CDC42BPB: variants seen among roughly 807,000 people sequenced by gnomAD.
The protein encoded by CDC42BPB is serine/threonine-protein kinase MRCK beta.
A neutral mutation model predicts 214.9 loss-of-function variants in CDC42BPB; 37 were observed. The ratio of observed to expected loss-of-function variants is 0.17; its 90% CI spans 0.13 to 0.23. The LOEUF (loss-of-function observed/expected upper bound fraction) is 0.23. Ranked by LOEUF, CDC42BPB falls within the 10% of genes least tolerant of loss-of-function variation. The probability of loss-of-function intolerance (pLI) is 1.00; values close to 1 mark genes in which losing one functional copy is unlikely to be tolerated. For synonymous variants in CDC42BPB, 931 were observed against 884.0 expected (o/e 1.05, Z -0.94); for missense variants, 1,694 against 2,227.0 (o/e 0.76, Z 4.82).
chr14:102,932,905 G>GA lies in CDC42BPB; in HGVS notation c.*806_*807insT, dbSNP rs1891458862. ...GGGGGGGCGGGCAGGGCGGGGCGGG[G>GA]TGGGGTATCCCAGTGGCTGCTTCGT... On this transcript the variant is annotated 3_prime_UTR_variant, in exon 37 of 37. Transcript: ENST00000361246. 1 of 116,464 alleles carries GA rather than the reference G, an allele frequency of 8.6e-6. No homozygotes were observed. The highest frequency in any genetic ancestry group is 1.6e-5 in the Non-Finnish European group (1 of 60,788). The allele number at this position is 116,464 out of a possible 1,614,324, so 7.2% of individuals were successfully genotyped here.
intron 21 of CDC42BPB, among the ~76,000 whole-genome samples, chr14:102,957,410 C>T (rs532084628): frequency 9.2e-5 from 14 of 152,242 alleles, no homozygotes; most frequent in Admixed American, 2.6e-4. Context: ...AGAAAGCTAC[C>T]GCTTTCCTGG....
chr14:103,015,786 G>C (rs1056057119), intron 1 of CDC42BPB, among the ~76,000 whole-genome samples: 3 of 151,906 alleles, frequency 2.0e-5, no homozygotes, highest in African/African-American at 7.2e-5. Flanking sequence ...TCAGCTCACT[G>C]CAACCTCCGC....
intron 6 of CDC42BPB, 127 bp from the exon 7 acceptor site, chr14:102,983,883 C>A: frequency 1.4e-6 from 2 of 1,455,154 alleles, no homozygotes; most frequent in South Asian, 1.4e-5. Context: ...GATGAATGAT[C>A]GTGTTTTTTA....
chr14:102,940,130 T>G lies in CDC42BPB; in HGVS notation c.4507A>C (p.Ile1503Leu). Residue 1503 changes from isoleucine to leucine, a missense_variant and splice_region_variant, in exon 32 of 37, where the codon ATA becomes CTA. Transcript: ENST00000361246. Reference protein sequence around the residue: ...EWVQTIGLRRIRPLNSEGTLN... With the variant: ...EWVQTIGLRRLRPLNSEGTLN... Reference sequence around the variant, plus strand: ...GTGCCTTCAGAGTTCAGGGGCCTTATCTGGATTGGAAACCAGGGAGGGACA... The same window carrying G: ...GTGCCTTCAGAGTTCAGGGGCCTTAGCTGGATTGGAAACCAGGGAGGGACA... 6.2e-7 allele frequency: 1 copy of G among 1,614,004 alleles called. No homozygotes were observed. The highest frequency in any genetic ancestry group is 8.5e-7 in the Non-Finnish European group (1 of 1,180,028).
At chr14:102,998,729 C>A (rs1476450738) in intron 5 of CDC42BPB, among the ~76,000 whole-genome samples, 1 of 152,208 alleles carries the variant, frequency 6.6e-6, no homozygotes, top group Non-Finnish European at 1.5e-5. Context: ...GCCTCTTCCT[C>A]AAGCCCTATT....
At chr14:103,050,450 T>A (rs2139781504) in intron 1 of CDC42BPB, among the ~76,000 whole-genome samples, 1 of 152,218 alleles carries the variant, frequency 6.6e-6, no homozygotes, top group Admixed American at 6.5e-5. Context: ...GGAGGGCAGG[T>A]TAACATGACC....
At chr14:103,043,204 A>T (rs985167205) in intron 1 of CDC42BPB, among the ~76,000 whole-genome samples, 1 of 152,232 alleles carries the variant, frequency 6.6e-6, no homozygotes, top group Non-Finnish European at 1.5e-5. Context: ...AGATCACGCC[A>T]CTGCACTCCA....
intron 12 of CDC42BPB, chr14:102,972,382 T>A (rs1893516334): frequency 1.0e-6 from 1 of 957,590 alleles, no homozygotes; most frequent in African/African-American, 1.8e-5. Flanking sequence ...TGAGACCAAC[T>A]GCACACCAAG....
intron 29 of CDC42BPB, among the ~76,000 whole-genome samples, chr14:102,945,001 A>G (rs1006534798): frequency 2.0e-5 from 3 of 151,890 alleles, no homozygotes; most frequent in African/African-American, 7.3e-5. Flanking sequence ...CACGGCCCCC[A>G]GTGAAGACGC....
In CDC42BPB at chr14:103,021,168, C is replaced by A. The variant is rs537316478; in HGVS notation, c.176-8980G>T. Among the ~76,000 whole-genome samples, 30 of 152,306 alleles carry A rather than the reference C, an allele frequency of 2.0e-4. 1 individual carries two copies. In the South Asian group the frequency reaches 6.2e-3, roughly 32 times the overall value. The stretch of plus-strand genomic sequence containing the variant: ...GATTAAAAAGGGAGCCCTTTAAGAA[C>A]ACGTGGATGTGGCCGCGTGCAGTGG... On this transcript the variant is annotated intron_variant, in intron 1 of 36. Coordinates refer to ENST00000361246, the MANE Select transcript of CDC42BPB (RefSeq NM_006035.4).
intron 1 of CDC42BPB, among the ~76,000 whole-genome samples, chr14:103,042,356 C>A (rs935289111): frequency 3.3e-5 from 5 of 151,966 alleles, no homozygotes; most frequent in Admixed American, 6.6e-5. Context: ...GTCACCCAGG[C>A]TGGAGTTCAG....
intron 26 of CDC42BPB, among the ~76,000 whole-genome samples, chr14:102,949,377 A>G (rs2269319): frequency 0.94 from 142,556 of 152,092 alleles, 67,057 homozygotes; most frequent in Middle Eastern, 0.99. Flanking sequence ...TCTTCCACAC[A>G]CCAGCACCTG....
rs1019598258 is a variant in CDC42BPB, at chr14:103,029,878, A to G, written c.176-17690T>C. Among the ~76,000 whole-genome samples, 7 of 151,624 alleles carry G rather than the reference A, an allele frequency of 4.6e-5. No homozygotes were observed. The East Asian group carries it at 7.7e-4, about 17-fold the overall frequency. On this transcript the variant is annotated intron_variant, in intron 1 of 36. Coordinates refer to ENST00000361246, the MANE Select transcript of CDC42BPB (RefSeq NM_006035.4). ...ATCTCCAAAAAAAAAAAAAAAAAAAAAAAAAGAAATGCTAGATTGGAGCCC... is the reference window on the plus strand; with the variant it reads ...ATCTCCAAAAAAAAAAAAAAAAAAAGAAAAAGAAATGCTAGATTGGAGCCC...
chr14:103,024,011 C>T (rs1886915602), intron 1 of CDC42BPB, among the ~76,000 whole-genome samples: 3 of 152,168 alleles, frequency 2.0e-5, no homozygotes, highest in Non-Finnish European at 4.4e-5. Context: ...AGGAAATGAG[C>T]TCAGCTGCTG....
At chr14:102,950,369 C>T (rs538318287) in intron 25 of CDC42BPB, 97 bp downstream of exon 25, 51 of 1,475,908 alleles carry the variant, frequency 3.5e-5, no homozygotes, top group Admixed American at 1.1e-4. Context: ...GGCCACCTGC[C>T]GCAGCAAGGG....
At chr14:102,939,077 C>T (rs1011047319) in intron 34 of CDC42BPB, among the ~76,000 whole-genome samples, 1 of 152,254 alleles carries the variant, frequency 6.6e-6, no homozygotes, top group African/African-American at 2.4e-5. Context: ...GCTGGGACTA[C>T]AGGCACCTGC....
chr14:103,051,454 CTT>C (rs1888604107), intron 1 of CDC42BPB, among the ~76,000 whole-genome samples: 1 of 143,246 alleles, frequency 7.0e-6, no homozygotes, highest in African/African-American at 2.6e-5. Flanking sequence ...AGCTTTGTCT[CTT>C]TTCAGAGAAA....
intron 1 of CDC42BPB, among the ~76,000 whole-genome samples, chr14:103,016,190 C>T (rs1886449707): frequency 6.6e-6 from 1 of 152,244 alleles, no homozygotes; most frequent in South Asian, 2.1e-4. Context: ...GCTGGGCTCT[C>T]TGAGGTGACT....
At chr14:103,046,728 A>C (rs141764601) in intron 1 of CDC42BPB, among the ~76,000 whole-genome samples, 2,082 of 152,078 alleles carry the variant, frequency 0.014, 48 homozygotes, top group African/African-American at 0.047. Flanking sequence ...ATCTCGGCTC[A>C]CTGCAACCTC....
Sources: allele counts gnomAD v4.1 joint callset (sites outside exome capture counted in the v4.1 genomes callset), GRCh38; gene constraint gnomAD v4.1.1; transcripts MANE v1.5; gene names NCBI Gene and HGNC (gene_info 2026-07-23, HGNC 2026-07-21).